The following TMCO6 variants were observed in gnomAD, a reference collection of about 807,000 sequenced individuals.
The protein encoded by TMCO6 is transmembrane and coiled-coil domain-containing protein 6.
TMCO6 carries 47 observed loss-of-function variants against 61.8 expected under a neutral mutation model. The observed-to-expected ratio is 0.76, with a 90% CI of 0.60 to 0.97. TMCO6 has a LOEUF of 0.97. Ranked by LOEUF, TMCO6 falls within the 50% of genes least tolerant of loss-of-function variation. The probability of loss-of-function intolerance (pLI) is 0.00; values close to 1 mark genes in which losing one functional copy is unlikely to be tolerated. For synonymous variants in TMCO6, 261 were observed against 254.2 expected (o/e 1.03, Z -0.25); for missense variants, 557 against 601.6 (o/e 0.93, Z 0.78).
the TMCO6 span, among the ~76,000 whole-genome samples, chr5:140,621,303 G>A: frequency 6.6e-6 from 1 of 152,220 alleles, no homozygotes; most frequent in Non-Finnish European, 1.5e-5. Context: ...ACAGAAGAAC[G>A]TGGATTGTGA....
the TMCO6 span, among the ~76,000 whole-genome samples, chr5:140,603,571 G>A: frequency 6.6e-6 from 1 of 152,142 alleles, no homozygotes; most frequent in African/African-American, 2.4e-5. Flanking sequence ...GCCTCCGAAA[G>A]TGCTGGGATC....
At chr5:140,609,798 AG>A in the TMCO6 span, among the ~76,000 whole-genome samples, 1 of 152,096 alleles carries the variant, frequency 6.6e-6, no homozygotes, top group African/African-American at 2.4e-5. Context: ...TAAGAGTGTA[AG>A]TCTGCTCTTC....
At chr5:140,606,588 G>A in the TMCO6 span, among the ~76,000 whole-genome samples, 8 of 152,072 alleles carry the variant, frequency 5.3e-5, no homozygotes, top group Non-Finnish European at 1.0e-4. Context: ...AACTTGAACA[G>A]TATAAACAAG....
chr5:140,634,703 C>CT (rs1052761889), upstream of TMCO6, among the ~76,000 whole-genome samples: 1 of 152,112 alleles, frequency 6.6e-6, no homozygotes, highest in African/African-American at 2.4e-5. Flanking sequence ...CCAGGCACTC[C>CT]TGACCTCAGG....
At chr5:140,642,197 C>A in intron 4 of TMCO6, 118 bp from the exon 5 acceptor site, 1 of 1,387,760 alleles carries the variant, frequency 7.2e-7, no homozygotes, top group South Asian at 1.3e-5. Flanking sequence ...TCTCCCCACC[C>A]TCTTGTGAGC....
At chr5:140,624,633 T>C in the TMCO6 span, among the ~76,000 whole-genome samples, 1 of 152,028 alleles carries the variant, frequency 6.6e-6, no homozygotes, top group Admixed American at 6.6e-5. Flanking sequence ...TCGCTGCACC[T>C]CTGCCTCCCA....
chr5:140,632,735 A>T, the TMCO6 span: 5 of 1,613,692 alleles, frequency 3.1e-6, no homozygotes, highest in South Asian at 1.1e-5. This position sits in a 1 kb window ranked among gnomAD's most constrained non-coding sequence, Gnocchi z 6.2. Context: ...TGACCGTGTC[A>T]GCATACTGCC....
At chr5:140,635,078 G>A (rs961386058), upstream of TMCO6, among the ~76,000 whole-genome samples, 10 of 152,206 alleles carry the variant, frequency 6.6e-5, no homozygotes, top group African/African-American at 1.9e-4. Flanking sequence ...CACCGTGCCC[G>A]GCAGAAAGTC....
upstream of TMCO6, among the ~76,000 whole-genome samples, chr5:140,637,746 T>G (rs1756803129): frequency 6.6e-6 from 1 of 152,176 alleles, no homozygotes; most frequent in Non-Finnish European, 1.5e-5. Context: ...CCACAATCCT[T>G]TATCTTAACC....
chr5:140,639,278 A>G, upstream of TMCO6: 1 of 482,948 alleles, frequency 2.1e-6, no homozygotes, highest in Non-Finnish European at 3.7e-6. Context: ...AAGACAGGAA[A>G]TCAATCAGAG....
At position 140,639,469 on chromosome 5, in the gene TMCO6, T is replaced by C. The variant is rs1379916622; in HGVS notation, c.-59T>C. The C allele has an allele frequency of 1.3e-6, 2 of 1,509,138 alleles. No homozygotes were observed. Among genetic ancestry groups the C allele is most frequent in the East Asian group, 4.9e-5 (2 of 40,704 alleles). The allele number at this position is 1,509,138 out of a possible 1,614,324, so 93.5% of individuals were successfully genotyped here. ...AGGCTGCGCAGTCGGTGCCATCTTC[T>C]ACGCCCCTGGGAGCGTTGTGGCTGC... is the stretch of plus-strand genomic sequence containing the variant. On this transcript the variant is annotated 5_prime_UTR_variant, in exon 1 of 12. Transcript: ENST00000394671.
upstream of TMCO6, among the ~76,000 whole-genome samples, chr5:140,638,476 G>A (rs533443122): frequency 6.6e-6 from 1 of 152,122 alleles, no homozygotes; most frequent in South Asian, 2.1e-4. Context: ...GTGTGTGGGG[G>A]GGAGTACTAT....
At chr5:140,605,692 AACACACACACACACACACACACAC>A in the TMCO6 span, among the ~76,000 whole-genome samples, 4 of 118,582 alleles carry the variant, frequency 3.4e-5, no homozygotes, top group Admixed American at 9.0e-5. Context: ...AAAAAAACAA[AACACACACACACACACACACACAC>A]ACACACACAC....
At chr5:140,606,895 T>C in the TMCO6 span, among the ~76,000 whole-genome samples, 1 of 151,438 alleles carries the variant, frequency 6.6e-6, no homozygotes, top group South Asian at 2.1e-4. Flanking sequence ...GATGTGGGGG[T>C]GGAATACAAC....
upstream of TMCO6, among the ~76,000 whole-genome samples, chr5:140,635,607 C>T (rs529106531): frequency 1.3e-5 from 2 of 152,262 alleles, no homozygotes; most frequent in South Asian, 2.1e-4. Flanking sequence ...CATTTGTCTA[C>T]CGAGTACTAG....
At chr5:140,597,948 T>C in the TMCO6 span, among the ~76,000 whole-genome samples, 1 of 152,200 alleles carries the variant, frequency 6.6e-6, no homozygotes, top group Non-Finnish European at 1.5e-5. Context: ...TCTCTAGTCC[T>C]GGAACCTCTG....
At chr5:140,647,643 A>T, downstream of TMCO6, 8 of 1,577,744 alleles carry the variant, frequency 5.1e-6, no homozygotes, top group Non-Finnish European at 6.9e-6. Context: ...CGGTCTGACC[A>T]ACCGCGGACC....
the TMCO6 span, among the ~76,000 whole-genome samples, chr5:140,612,715 C>G: frequency 6.6e-6 from 1 of 152,210 alleles, no homozygotes; most frequent in Non-Finnish European, 1.5e-5. Flanking sequence ...AATCCTGTCC[C>G]CACACTGCTG....
the TMCO6 span, among the ~76,000 whole-genome samples, chr5:140,627,765 G>A: frequency 5.3e-4 from 80 of 150,356 alleles, no homozygotes; most frequent in African/African-American, 1.7e-3. Context: ...GTGTGGTGGC[G>A]GGCGCATGTA....
Sources: allele counts gnomAD v4.1 joint callset (sites outside exome capture counted in the v4.1 genomes callset), GRCh38; gene constraint gnomAD v4.1.1; non-coding constraint Gnocchi (gnomAD v3.1); transcripts MANE v1.5; gene names NCBI Gene and HGNC (gene_info 2026-07-23, HGNC 2026-07-21).